The following PLBD2 variants were observed in gnomAD, a reference collection of about 807,000 sequenced individuals.
PLBD2 encodes the protein putative aminopeptidase PLBD2.
Under a neutral mutation model 68.3 loss-of-function variants are expected in PLBD2, and 51 were observed. The ratio of observed to expected loss-of-function variants is 0.75; its 90% CI spans 0.60 to 0.94. The LOEUF is 0.94. PLBD2 is among the 40% of genes least tolerant of loss of function. The pLI is 0.00. For missense variants in PLBD2, 729 were observed against 792.2 expected (o/e 0.92, Z 0.96); for synonymous variants, 314 against 339.3 (o/e 0.93, Z 0.82).
chr12:113,387,204 C>G, intron 10 of PLBD2, 115 bp downstream of exon 10: 1 of 1,347,838 alleles, frequency 7.4e-7, no homozygotes, highest in Non-Finnish European at 9.9e-7. Flanking sequence ...AGAGGGCCAG[C>G]AGGGGGTGGT....
rs536173374 is a variant in PLBD2, at chr12:113,368,930, G to T, written c.291-186G>T. Among the ~76,000 whole-genome samples, 114 of 152,310 alleles carry T rather than the reference G, an allele frequency of 7.5e-4. 1 individual carries two copies. Among genetic ancestry groups the T allele is most frequent in the Non-Finnish European group, 1.3e-3 (87 of 68,032 alleles). ...ATATCTATGAAAATTAAAAATACGT[G>T]TACCCTTTGAGCCAGTAGTTCCTCT... is the stretch of plus-strand genomic sequence containing the variant. On this transcript the variant is annotated intron_variant, in intron 1 of 11. Coordinates refer to ENST00000280800, the MANE Select transcript of PLBD2 (RefSeq NM_173542.4).
chr12:113,390,452 T>C lies in PLBD2; in HGVS notation c.*1826T>C, dbSNP rs538353326. ...CACCTACCTATCCATTTATCACCCA[T>C]TTACCCATCCATCCATCCATCCTTC... On this transcript the variant is annotated 3_prime_UTR_variant, in exon 12 of 12. Coordinates refer to ENST00000280800, the MANE Select transcript of PLBD2 (RefSeq NM_173542.4). The C allele has an allele frequency of 2.0e-5, 3 of 151,382 alleles. No individual in the cohort carries two copies. The South Asian group carries it at 6.3e-4, about 32-fold the overall frequency. The allele number at this position is 151,382 out of a possible 1,614,324, so 9.4% of individuals were successfully genotyped here. A position where few individuals can be genotyped will look rare whatever the true frequency, so the allele number is the denominator to read the frequency against.
In PLBD2 at chr12:113,387,761, A is replaced by C; in HGVS notation, c.1457A>C (p.His486Pro). 3 of 1,614,086 alleles carry C rather than the reference A, an allele frequency of 1.9e-6. No homozygotes were observed. The highest frequency in any genetic ancestry group is 2.5e-6 in the Non-Finnish European group (3 of 1,179,986). ...VRLMRYNDFL[H>P]DPLSLCKACN... is the part of the protein sequence containing the mutation. ...CCATCCAGGTACAATGACTTCCTCCATGACCCTCTGTCACTGTGCAAAGCC... is the reference window on the plus strand; with the variant it reads ...CCATCCAGGTACAATGACTTCCTCCCTGACCCTCTGTCACTGTGCAAAGCC... The change falls in exon 11 of 12, where the codon CAT (histidine) becomes CCT (proline). Residue 486 changes from histidine to proline, a missense_variant. Transcript: ENST00000280800.
chr12:113,370,308 C>T (rs1366018894), intron 2 of PLBD2, among the ~76,000 whole-genome samples: 1 of 151,922 alleles, frequency 6.6e-6, no homozygotes, highest in Non-Finnish European at 1.5e-5. Flanking sequence ...GTGGGTGCCT[C>T]TAGGGATAGA....
intron 1 of PLBD2, among the ~76,000 whole-genome samples, chr12:113,362,951 A>ATT (rs397850121): frequency 2.1e-5 from 3 of 140,666 alleles, no homozygotes; most frequent in Non-Finnish European, 4.7e-5. Context: ...TACCCAGCTA[A>ATT]TTTTTTTTTT....
chr12:113,358,863 AC>A lies in PLBD2; in HGVS notation c.265del (p.Leu89SerfsTer47). 1 of 1,525,552 alleles carries A rather than the reference AC, an allele frequency of 6.6e-7. No individual in the cohort carries two copies. Among genetic ancestry groups the A allele is most frequent in the Non-Finnish European group, 8.8e-7 (1 of 1,138,886 alleles). The allele number at this position is 1,525,552 out of a possible 1,614,324, so 94.5% of individuals were successfully genotyped here. A position where few individuals can be genotyped will look rare whatever the true frequency, so the allele number is the denominator to read the frequency against. Reference sequence around the variant, plus strand: ...CACCCTGACGCCGTGGCCTGGGCCAACCTCACCAACGCCATCCGCGAGACTG... The same window carrying A: ...CACCCTGACGCCGTGGCCTGGGCCAACTCACCAACGCCATCCGCGAGACTG... ...GRHPDAVAWA[N>X]LTNAIRETGW... On this transcript the variant is annotated frameshift_variant, in exon 1 of 12. Transcript: ENST00000280800. LOFTEE classifies it high-confidence loss of function.
chr12:113,387,606 C>A, intron 10 of PLBD2, 138 bp from the exon 11 acceptor site: 1 of 932,064 alleles, frequency 1.1e-6, no homozygotes, highest in Non-Finnish European at 1.7e-6. Context: ...GAGGAACTGT[C>A]GGGGGTAGTG....
Position 113,388,772 on chromosome 12 carries a change from G to A in PLBD2, c.*146G>A. 1 of 871,910 alleles carries A rather than the reference G, an allele frequency of 1.1e-6. No individual in the cohort carries two copies. The highest frequency in any genetic ancestry group is 1.7e-6 in the Non-Finnish European group (1 of 604,440). 54.0% of individuals were successfully genotyped at this position (871,910 alleles called of 1,614,324 possible). On this transcript the variant is annotated 3_prime_UTR_variant, in exon 12 of 12. Coordinates refer to ENST00000280800, the MANE Select transcript of PLBD2 (RefSeq NM_173542.4). ...TCTGAGTCATCTCCTCCTAGAGTGG[G>A]TCACGAACCTGATGGGGCTCAGAAC...
Position 113,384,135 on chromosome 12 carries a change from A to G in PLBD2, c.988A>G (p.Asn330Asp). The G allele has an allele frequency of 6.2e-7, 1 of 1,612,008 alleles. No homozygotes were observed. The highest frequency in any genetic ancestry group is 8.5e-7 in the Non-Finnish European group (1 of 1,178,618). Residue 330 changes from asparagine (N) to aspartate (D), a missense_variant, in exon 7 of 12, where the codon AAC becomes GAC. By Grantham distance (23) the Asn-to-Asp change is conservative. Transcript: ENST00000280800. This position sits in a 1 kb window ranked among gnomAD's most constrained non-coding sequence, Gnocchi z 4.2. ...VTLETTIGNK[N>D]PALWKYVRPR... ...ACTGGAGACCACCATTGGCAACAAG[A>G]ACCCAGCCCTGTGGAAGTATGTGCG...
rs1957483721 is a variant in PLBD2, at chr12:113,380,832, G to A, written c.947G>A (p.Gly316Asp). Reference sequence around the variant, plus strand: ...TCCTGCGACGACTTCTACATCCTGGGCAGTGGGCTGGTGAGTCCCTTTCTC... The same window carrying A: ...TCCTGCGACGACTTCTACATCCTGGACAGTGGGCTGGTGAGTCCCTTTCTC... ...IFSCDDFYIL[G>D]SGLVTLETTI... The change falls in exon 6 of 12, where the codon GGC (glycine) becomes GAC (aspartate). Residue 316 changes from glycine (G) to aspartate (D), a missense_variant. Physicochemically the swap from Gly to Asp is moderately conservative, Grantham distance 94. Coordinates refer to ENST00000280800, the MANE Select transcript of PLBD2 (RefSeq NM_173542.4). 6.4e-7 allele frequency: 1 copy of A among 1,554,828 alleles called. No homozygotes were observed. Among genetic ancestry groups the A allele is most frequent in the Admixed American group, 1.9e-5 (1 of 51,328 alleles).
chr12:113,384,109 C>T lies in PLBD2; in HGVS notation c.962C>T (p.Thr321Ile). The change falls in exon 7 of 12, where the codon ACA becomes ATA. Residue 321 changes from threonine (T) to isoleucine (I), a missense_variant. By Grantham distance (89) the Thr-to-Ile change is moderately conservative. Transcript: ENST00000280800. This position sits in a 1 kb window ranked among gnomAD's most constrained non-coding sequence, Gnocchi z 4.2. Reference protein sequence around the residue: ...DFYILGSGLVTLETTIGNKNP... With the variant: ...DFYILGSGLVILETTIGNKNP... ...GCCCCCTTGACCTTCCCACAGGTGA[C>T]ACTGGAGACCACCATTGGCAACAAG... The T allele has an allele frequency of 6.2e-7, 1 of 1,606,634 alleles. No homozygotes were observed.
chr12:113,362,324 C>T (rs1957303185), intron 1 of PLBD2, among the ~76,000 whole-genome samples: 1 of 149,976 alleles, frequency 6.7e-6, no homozygotes, highest in African/African-American at 2.5e-5. Flanking sequence ...GAGACCCTGT[C>T]TCAAATAAAA....
chr12:113,383,644 A>T (rs971253611), intron 6 of PLBD2, among the ~76,000 whole-genome samples: 1 of 151,664 alleles, frequency 6.6e-6, no homozygotes, highest in Non-Finnish European at 1.5e-5. Context: ...CATGTTGGCC[A>T]GGCTGGTCTG....
At chr12:113,369,904 CT>C (rs937651285) in intron 2 of PLBD2, among the ~76,000 whole-genome samples, 203 of 143,692 alleles carry the variant, frequency 1.4e-3, no homozygotes, top group Middle Eastern at 3.6e-3. Context: ...ATGAATTGTA[CT>C]TTTTTTTTTT....
chr12:113,367,160 C>A (rs1051512216), intron 1 of PLBD2, among the ~76,000 whole-genome samples: 2 of 152,022 alleles, frequency 1.3e-5, no homozygotes, highest in African/African-American at 4.8e-5. Context: ...CAGGGAATTT[C>A]ACCAACCAAT....
At chr12:113,374,406 G>C (rs570278506) in intron 3 of PLBD2, 68 bp from the exon 4 acceptor site, 1 of 1,104,962 alleles carries the variant, frequency 9.1e-7, no homozygotes, top group Non-Finnish European at 1.3e-6. Flanking sequence ...AGCCCGTCCC[G>C]TTGAAGGAGA....
At chr12:113,376,062 C>T (rs960386456) in intron 5 of PLBD2, among the ~76,000 whole-genome samples, 17 of 151,950 alleles carry the variant, frequency 1.1e-4, no homozygotes, top group Non-Finnish European at 2.9e-5. Flanking sequence ...CCATATTGGC[C>T]AGGCTGGTCT....
intron 9 of PLBD2, 56 bp downstream of exon 9, chr12:113,385,339 T>G: frequency 2.0e-6 from 3 of 1,482,952 alleles, no homozygotes; most frequent in Non-Finnish European, 2.8e-6. Flanking sequence ...ACCTCACTCC[T>G]TGCCCAGCTC....
At chr12:113,375,394 C>A (rs891999434) in intron 5 of PLBD2, among the ~76,000 whole-genome samples, 3 of 152,168 alleles carry the variant, frequency 2.0e-5, no homozygotes, top group African/African-American at 4.8e-5. Context: ...TCAAGTGATC[C>A]TCCTGACTTG....
Sources: allele counts gnomAD v4.1 joint callset (sites outside exome capture counted in the v4.1 genomes callset), GRCh38; gene constraint gnomAD v4.1.1; non-coding constraint Gnocchi (gnomAD v3.1); transcripts MANE v1.5; gene names NCBI Gene and HGNC (gene_info 2026-07-23, HGNC 2026-07-21).